The following SLC8A3 variants were observed in gnomAD, a reference collection of about 807,000 sequenced individuals.
The protein encoded by SLC8A3 is solute carrier family 8 member A3, also known as sodium/calcium exchanger 3.
SLC8A3 carries 37 observed loss-of-function variants against 65.4 expected under a neutral mutation model. The observed-to-expected ratio is 0.57, with a 90% CI of 0.44 to 0.74. SLC8A3 has a LOEUF of 0.74. Among genes scored for constraint, SLC8A3 ranks in the 30% least tolerant of loss-of-function variants. The pLI is 0.00. For missense variants in SLC8A3, 1,112 were observed against 1,172.1 expected, an observed-to-expected ratio of 0.95 and a Z score of 0.75; for synonymous variants, 461 against 444.5, an observed-to-expected ratio of 1.04 and a Z score of -0.47.
chr14:70,142,226 A>G (rs1895625748), intron 2 of SLC8A3, among the ~76,000 whole-genome samples: 1 of 152,268 alleles, frequency 6.6e-6, no homozygotes, highest in African/African-American at 2.4e-5. Flanking sequence ...AATCTCTCCC[A>G]GACAGTCTGC....
chr14:70,081,179 T>C (rs1389694743), intron 2 of SLC8A3, among the ~76,000 whole-genome samples: 1 of 152,208 alleles, frequency 6.6e-6, no homozygotes, highest in Non-Finnish European at 1.5e-5. Context: ...CCACTTCACC[T>C]GCCAGAAGAG....
intron 2 of SLC8A3, among the ~76,000 whole-genome samples, chr14:70,113,881 C>A (rs1207132049): frequency 6.8e-6 from 1 of 146,578 alleles, no homozygotes; most frequent in African/African-American, 2.5e-5. Context: ...GAACCAGCAG[C>A]CTAACCTGAC....
At chr14:70,049,245 G>T (rs544082818) in intron 5 of SLC8A3, among the ~76,000 whole-genome samples, 1 of 152,216 alleles carries the variant, frequency 6.6e-6, no homozygotes, top group African/African-American at 2.4e-5. Context: ...CAATTTGAAT[G>T]CAGGGCACCA....
At chr14:70,122,582 A>G (rs1894147317) in intron 2 of SLC8A3, among the ~76,000 whole-genome samples, 1 of 152,222 alleles carries the variant, frequency 6.6e-6, no homozygotes, top group Admixed American at 6.5e-5. Context: ...ATTGCTGGGC[A>G]TATCTTGTGA....
chr14:70,101,572 C>A (rs913781653), intron 2 of SLC8A3, among the ~76,000 whole-genome samples: 1 of 152,076 alleles, frequency 6.6e-6, no homozygotes, highest in Non-Finnish European at 1.5e-5. Flanking sequence ...GGAAAGCTAC[C>A]AAGGGGTTTG....
At chr14:70,085,191 T>C (rs577186121) in intron 2 of SLC8A3, among the ~76,000 whole-genome samples, 2 of 152,292 alleles carry the variant, frequency 1.3e-5, no homozygotes, top group African/African-American at 4.8e-5. Flanking sequence ...ATTCTCTATC[T>C]GTGGAAATTT....
Position 70,116,453 on chromosome 14 carries a change from G to A in SLC8A3, c.1784+50186C>T, listed in dbSNP as rs1893672738. On this transcript the variant is annotated intron_variant, in intron 2 of 6. Coordinates refer to ENST00000356921, the MANE Select transcript of SLC8A3 (RefSeq NM_182932.3). The stretch of plus-strand genomic sequence containing the variant: ...GAACTTTGGCTCTAAGGAACATGGT[G>A]CTTCCAGATGCAGTGAGAGCTGGCT... 2.6e-5 allele frequency among the ~76,000 whole-genome samples: 4 copies of A among 152,120 alleles called. No individual in the cohort carries two copies. The South Asian group carries it at 8.3e-4, about 32-fold the overall frequency.
At chr14:70,141,074 G>A (rs1566806848) in intron 2 of SLC8A3, among the ~76,000 whole-genome samples, 2 of 152,218 alleles carry the variant, frequency 1.3e-5, no homozygotes, top group Non-Finnish European at 2.9e-5. Flanking sequence ...ATACCGATGC[G>A]ATAATAACAA....
At chr14:70,101,796 T>C (rs964634879) in intron 2 of SLC8A3, among the ~76,000 whole-genome samples, 2 of 152,206 alleles carry the variant, frequency 1.3e-5, no homozygotes, top group Non-Finnish European at 2.9e-5. Flanking sequence ...CGTGAAGCAA[T>C]TACTACACAA....
chr14:70,116,321 CTGTGTGTGTG>C (rs55890014), intron 2 of SLC8A3, among the ~76,000 whole-genome samples: 40 of 147,768 alleles, frequency 2.7e-4, no homozygotes, highest in Middle Eastern at 3.4e-3. Flanking sequence ...ATTGAGAACA[CTGTGTGTGTG>C]TGTGTGTGTG....
At chr14:70,176,325 A>T (rs946701387) in intron 1 of SLC8A3, among the ~76,000 whole-genome samples, 1 of 152,250 alleles carries the variant, frequency 6.6e-6, no homozygotes, top group Admixed American at 6.5e-5. Context: ...ACAGTGATGG[A>T]ACCAGGATCA....
At chr14:70,181,744 G>A (rs979323063) in intron 1 of SLC8A3, among the ~76,000 whole-genome samples, 1 of 152,118 alleles carries the variant, frequency 6.6e-6, no homozygotes, top group Non-Finnish European at 1.5e-5. Context: ...ACAAGGAACT[G>A]CAAAAAATGG....
At chr14:70,061,684 T>C (rs1888821798) in intron 2 of SLC8A3, among the ~76,000 whole-genome samples, 1 of 152,176 alleles carries the variant, frequency 6.6e-6, no homozygotes, top group African/African-American at 2.4e-5. Context: ...CAATATTACA[T>C]AGGAATCCTT....
chr14:70,069,946 C>G (rs571744842), intron 2 of SLC8A3, among the ~76,000 whole-genome samples: 2 of 152,148 alleles, frequency 1.3e-5, no homozygotes, highest in Non-Finnish European at 2.9e-5. Context: ...GTGGATGCTA[C>G]TGGTCCATGG....
chr14:70,080,236 AT>A (rs780781143), intron 2 of SLC8A3: 1 of 985,266 alleles, frequency 1.0e-6, no homozygotes, highest in Non-Finnish European at 1.2e-6. Flanking sequence ...TAGCGCTTTC[AT>A]TTTTTTATAC....
intron 3 of SLC8A3, among the ~76,000 whole-genome samples, chr14:70,055,485 A>G (rs1378985860): frequency 6.6e-6 from 1 of 152,198 alleles, no homozygotes; most frequent in African/African-American, 2.4e-5. Context: ...AGATGAATTA[A>G]GACTCAGGAG....
chr14:70,091,461 T>A (rs1891799065), intron 2 of SLC8A3, among the ~76,000 whole-genome samples: 1 of 152,212 alleles, frequency 6.6e-6, no homozygotes, highest in Non-Finnish European at 1.5e-5. Context: ...TAATATCGTA[T>A]ACCCCCTTGA....
chr14:70,117,273 A>C (rs907680251), intron 2 of SLC8A3, among the ~76,000 whole-genome samples: 8 of 152,216 alleles, frequency 5.3e-5, no homozygotes, highest in African/African-American at 1.9e-4. Context: ...GCCCACATCC[A>C]GTGACTAGCA....
At chr14:70,054,208 T>C (rs530367070) in intron 3 of SLC8A3, among the ~76,000 whole-genome samples, 1 of 150,386 alleles carries the variant, frequency 6.6e-6, no homozygotes, top group Admixed American at 6.6e-5. Flanking sequence ...GTGAACACTC[T>C]GCAGAGTGAT....
Sources: allele counts gnomAD v4.1 joint callset (sites outside exome capture counted in the v4.1 genomes callset), GRCh38; gene constraint gnomAD v4.1.1; transcripts MANE v1.5; gene names NCBI Gene and HGNC (gene_info 2026-07-23, HGNC 2026-07-21).